The following PPFIBP2 variants were observed in gnomAD, a reference collection of about 807,000 sequenced individuals.
The protein encoded by PPFIBP2 is liprin-beta-2.
A neutral mutation model predicts 118.3 loss-of-function variants in PPFIBP2; 118 were observed. The ratio of observed to expected loss-of-function variants is 1.00; its 90% CI spans 0.86 to 1.16. The LOEUF (loss-of-function observed/expected upper bound fraction) is 1.16, where lower values mean the gene tolerates loss of function less well. Among genes scored for constraint, PPFIBP2 ranks in the 50% most tolerant of loss-of-function variants. The pLI, the probability that PPFIBP2 is intolerant of heterozygous loss-of-function variation, is 0.00. For missense variants in PPFIBP2, 1,195 were observed against 1,073.1 expected, an observed-to-expected ratio of 1.11 and a Z score of -1.59; for synonymous variants, 414 against 397.4, an observed-to-expected ratio of 1.04 and a Z score of -0.50.
intron 3 of PPFIBP2, among the ~76,000 whole-genome samples, chr11:7,582,963 C>T (rs1374521933): frequency 6.6e-6 from 1 of 152,196 alleles, no homozygotes; most frequent in Non-Finnish European, 1.5e-5. Flanking sequence ...TGCTTCTCCT[C>T]AATTCTCAGG....
chr11:7,557,733 T>C (rs1853802036), intron 2 of PPFIBP2, among the ~76,000 whole-genome samples: 1 of 152,180 alleles, frequency 6.6e-6, no homozygotes, highest in Admixed American at 6.5e-5. Flanking sequence ...TTTTGAATAA[T>C]CCTAGCATTC....
chr11:7,602,752 A>G (rs994579995), intron 5 of PPFIBP2, among the ~76,000 whole-genome samples: 4 of 152,218 alleles, frequency 2.6e-5, no homozygotes, highest in African/African-American at 9.6e-5. Flanking sequence ...CTACCGACCC[A>G]GAGCTTCAGG....
rs899777784 is a variant in PPFIBP2 at position 7,554,484 on chromosome 11, CA to C, written c.64+4953del. 1.1e-4 allele frequency among the ~76,000 whole-genome samples: 17 copies of C among 151,718 alleles called. No homozygotes were observed. In the East Asian group the frequency reaches 2.1e-3, roughly 19 times the overall value. On this transcript the variant is annotated intron_variant, in intron 2 of 23. Transcript: ENST00000299492. Reference sequence around the variant, plus strand: ...TGTTTATGTAATTAAGCTTTTAGTGCAAAAAAAAGTCTGTCTCCTCCTGCAT... The same window carrying C: ...TGTTTATGTAATTAAGCTTTTAGTGCAAAAAAAGTCTGTCTCCTCCTGCAT...
chr11:7,579,782 C>T (rs1416562373), intron 3 of PPFIBP2, among the ~76,000 whole-genome samples: 3 of 152,062 alleles, frequency 2.0e-5, no homozygotes, highest in Non-Finnish European at 4.4e-5. Context: ...CTTTAGAAAC[C>T]CCCAGGATGA....
In PPFIBP2 at chr11:7,649,162, T is replaced by C. The variant is rs146713061; in HGVS notation, c.1925T>C (p.Ile642Thr). ...GTATTTGTAGGGTGGCTTGATGATA[T>C]TGGCTTACCCCAGTACAAAGACCAG... is the stretch of plus-strand genomic sequence containing the variant. ...HIWVTRWLDDIGLPQYKDQFH... is the reference protein window; with the variant it reads ...HIWVTRWLDDTGLPQYKDQFH... Residue 642 changes from isoleucine to threonine, a missense_variant, in exon 20 of 24, where the codon ATT becomes ACT. Transcript: ENST00000299492. 8 of 1,614,086 alleles carry C rather than the reference T, an allele frequency of 5.0e-6. No individual in the cohort carries two copies. Among genetic ancestry groups the C allele is most frequent in the Admixed American group, 1.7e-5 (1 of 60,026 alleles).
At position 7,648,522 on chromosome 11, in the gene PPFIBP2, T is replaced by G. The variant is rs781766275; in HGVS notation, c.1782T>G (p.Pro594=). ...GCCACACCTTATTGACAGCCACCCCTCAGGACATGGAAAAGGTAAGGGCTC... is the reference window on the plus strand; with the variant it reads ...GCCACACCTTATTGACAGCCACCCCGCAGGACATGGAAAAGGTAAGGGCTC... ...SSGHTLLTAT[P]QDMEKELGIK... is the part of the protein sequence containing the mutation. The change falls in exon 18 of 24, where the codon CCT becomes CCG. Residue 594 remains proline, a synonymous_variant. Coordinates refer to ENST00000299492, the MANE Select transcript of PPFIBP2 (RefSeq NM_003621.5). 1 of 1,613,986 alleles carries G rather than the reference T, an allele frequency of 6.2e-7. No homozygotes were observed. The highest frequency in any genetic ancestry group is 8.5e-7 in the Non-Finnish European group (1 of 1,179,994).
intron 3 of PPFIBP2, among the ~76,000 whole-genome samples, chr11:7,590,616 C>A (rs1393491974): frequency 1.3e-5 from 2 of 152,196 alleles, no homozygotes; most frequent in African/African-American, 4.8e-5. Flanking sequence ...TCAATAGAAA[C>A]ATTTTGTAAG....
chr11:7,536,374 A>G (rs567470705), intron 1 of PPFIBP2, among the ~76,000 whole-genome samples: 4 of 152,298 alleles, frequency 2.6e-5, no homozygotes, highest in East Asian at 1.9e-4. Context: ...AAGGGGAAAC[A>G]TGGAATAATA....
At chr11:7,652,871 T>C (rs1302505104) in intron 23 of PPFIBP2, among the ~76,000 whole-genome samples, 153 bp from the exon 24 acceptor site, 1 of 152,176 alleles carries the variant, frequency 6.6e-6, no homozygotes, top group East Asian at 1.9e-4. Flanking sequence ...AGAAATTGCT[T>C]CCAAGAGCTC....
intron 3 of PPFIBP2, among the ~76,000 whole-genome samples, chr11:7,592,814 C>T (rs1399398379): frequency 6.6e-6 from 1 of 152,214 alleles, no homozygotes; most frequent in African/African-American, 2.4e-5. Context: ...GGAGGCTGTG[C>T]CTCTGGCTAA....
chr11:7,554,639 C>T (rs1200419247), intron 2 of PPFIBP2, among the ~76,000 whole-genome samples: 1 of 152,032 alleles, frequency 6.6e-6, no homozygotes, highest in Non-Finnish European at 1.5e-5. Flanking sequence ...GTGCGATGGC[C>T]TTTGTCTCAG....
chr11:7,625,113 T>C (rs1849812487), intron 7 of PPFIBP2, among the ~76,000 whole-genome samples: 1 of 152,228 alleles, frequency 6.6e-6, no homozygotes, highest in African/African-American at 2.4e-5. Flanking sequence ...TGTGTACTTA[T>C]GAGCTGTGTA....
In PPFIBP2 at chr11:7,614,300, A is replaced by G. The variant is rs1275000133; in HGVS notation, c.618+3878A>G. ...TCAGTTTGTATCCGTCCAGAGTTATATTATGTGTGGACAAGTACATTCATG... is the reference window on the plus strand; with the variant it reads ...TCAGTTTGTATCCGTCCAGAGTTATGTTATGTGTGGACAAGTACATTCATG... On this transcript the variant is annotated intron_variant, in intron 6 of 23. Coordinates refer to ENST00000299492, the MANE Select transcript of PPFIBP2 (RefSeq NM_003621.5). Among the ~76,000 whole-genome samples, 7 of 152,348 alleles carry G rather than the reference A, an allele frequency of 4.6e-5. No individual in the cohort carries two copies. The East Asian group carries it at 1.2e-3, about 25-fold the overall frequency.
intron 2 of PPFIBP2, among the ~76,000 whole-genome samples, chr11:7,551,830 T>C (rs1590208720): frequency 6.6e-6 from 1 of 152,356 alleles, no homozygotes; most frequent in South Asian, 2.1e-4. Flanking sequence ...GCAAAATTCA[T>C]TTTGTCTCTG....
intron 23 of PPFIBP2, 68 bp from the exon 24 acceptor site, chr11:7,652,956 A>G (rs1244192210): frequency 2.7e-6 from 4 of 1,485,656 alleles, no homozygotes; most frequent in Non-Finnish European, 9.1e-7. Flanking sequence ...AATTTTAAGT[A>G]TATTGTCAGT....
chr11:7,652,821 A>C (rs1430552466), intron 23 of PPFIBP2, among the ~76,000 whole-genome samples: 1 of 152,186 alleles, frequency 6.6e-6, no homozygotes, highest in Non-Finnish European at 1.5e-5. Flanking sequence ...GGCAGCTCTT[A>C]TTGTTCAAGA....
At chr11:7,628,524 C>T (rs1850323037) in intron 9 of PPFIBP2, among the ~76,000 whole-genome samples, 178 bp downstream of exon 9, 1 of 152,142 alleles carries the variant, frequency 6.6e-6, no homozygotes. Flanking sequence ...CTGTTTTTGG[C>T]TTTGATAACT....
intron 3 of PPFIBP2, among the ~76,000 whole-genome samples, chr11:7,587,549 T>C (rs545207142): frequency 6.6e-6 from 1 of 152,358 alleles, no homozygotes; most frequent in South Asian, 2.1e-4. Flanking sequence ...CAGGAAGGGC[T>C]GGAATATATC....
chr11:7,562,459 A>G (rs543630846), intron 2 of PPFIBP2, among the ~76,000 whole-genome samples: 161 of 152,312 alleles, frequency 1.1e-3, no homozygotes, highest in African/African-American at 3.7e-3. Flanking sequence ...TTTATAACCT[A>G]GCCTTGGAAG....
Sources: allele counts gnomAD v4.1 joint callset (sites outside exome capture counted in the v4.1 genomes callset), GRCh38; gene constraint gnomAD v4.1.1; transcripts MANE v1.5; gene names NCBI Gene and HGNC (gene_info 2026-07-23, HGNC 2026-07-21).